The following FBXO8 variants were observed in gnomAD, a reference collection of about 807,000 sequenced individuals.
FBXO8 encodes the protein F-box only protein 8.
In FBXO8, 15 loss-of-function variants were observed where a neutral mutation model predicts 33.4. That is an observed-to-expected ratio of 0.45 (90% CI 0.30 to 0.69). The LOEUF is 0.69. Ranked by LOEUF, FBXO8 falls within the 30% of genes least tolerant of loss-of-function variation. The pLI is 0.08. For missense variants in FBXO8, 274 were observed against 380.3 expected, an observed-to-expected ratio of 0.72 and a Z score of 2.32; for synonymous variants, 132 against 131.5, an observed-to-expected ratio of 1.00 and a Z score of -0.02.
At chr4:174,250,933 T>C (rs756156142) in intron 3 of FBXO8, among the ~76,000 whole-genome samples, 2 of 151,986 alleles carry the variant, frequency 1.3e-5, no homozygotes, top group Non-Finnish European at 2.9e-5. Flanking sequence ...GTGATCACAA[T>C]AGATAAGGAA....
rs1451630312 is a variant in FBXO8 at position 174,257,873 on chromosome 4, C to A, written c.456+1826G>T. Among the ~76,000 whole-genome samples, 1 of 151,942 alleles carries A rather than the reference C, an allele frequency of 6.6e-6. No individual in the cohort carries two copies. Among genetic ancestry groups the A allele is most frequent in the Non-Finnish European group, 1.5e-5 (1 of 67,986 alleles). On this transcript the variant is annotated intron_variant, in intron 3 of 5. Transcript: ENST00000393674. This position sits in a 1 kb window ranked among gnomAD's most constrained non-coding sequence, Gnocchi z 4.3. ...CGGAGTAGCTGGGACCACAAGAATG[C>A]ACCACAATGCCTAGCTAATTTTTTA...
intron 3 of FBXO8, among the ~76,000 whole-genome samples, chr4:174,243,809 G>GAT (rs368857811): frequency 5.4e-4 from 80 of 148,436 alleles, no homozygotes; most frequent in East Asian, 7.9e-4. Context: ...CATTAGTCTA[G>GAT]ATATATATAT....
In FBXO8 at chr4:174,278,479, G is replaced by A. The variant is rs1737003785; in HGVS notation, c.-9+4931C>T. ...TATTTAAATGCAACCAAAAATCTAA[G>A]AATTTTAGGCTTATTCAATTTCTGT... On this transcript the variant is annotated intron_variant, in intron 1 of 5. Transcript: ENST00000393674. The surrounding 1 kb of genome is among the most constrained non-coding windows in gnomAD (Gnocchi z 4.1). Among the ~76,000 whole-genome samples, 1 of 151,988 alleles carries A rather than the reference G, an allele frequency of 6.6e-6. No homozygotes were observed. The highest frequency in any genetic ancestry group is 2.1e-4 in the South Asian group (1 of 4,826).
At chr4:174,239,247 T>C in intron 4 of FBXO8, 57 bp from the exon 5 acceptor site, 1 of 1,224,910 alleles carries the variant, frequency 8.2e-7, no homozygotes, top group Non-Finnish European at 1.1e-6. Context: ...AAAAAAATGG[T>C]AAGAAAAATA....
rs1736933539 is a variant in FBXO8, at chr4:174,275,236, TA to T, written c.-9+8173del. Among the ~76,000 whole-genome samples, 6 of 152,316 alleles carry T rather than the reference TA, an allele frequency of 3.9e-5. No individual in the cohort carries two copies. The South Asian group carries it at 1.2e-3, about 32-fold the overall frequency. On this transcript the variant is annotated intron_variant, in intron 1 of 5. Transcript: ENST00000393674. This position sits in a 1 kb window ranked among gnomAD's most constrained non-coding sequence, Gnocchi z 4.4. ...GCCAGGAGAGAGGTGCGTACGGTTA[TA>T]AAAGCACAGTGTGAGAGATCCCTGT...
Position 174,255,767 on chromosome 4 carries a change from G to C in FBXO8, c.456+3932C>G, listed in dbSNP as rs1406800763. On this transcript the variant is annotated intron_variant, in intron 3 of 5. Coordinates refer to ENST00000393674, the MANE Select transcript of FBXO8 (RefSeq NM_012180.3). The surrounding 1 kb of genome is among the most constrained non-coding windows in gnomAD (Gnocchi z 4.3). ...CAAGAAAGTGTTTTAATATACATTGGAGCACAAGTAATATAGTTTACTGGT... is the reference window on the plus strand; with the variant it reads ...CAAGAAAGTGTTTTAATATACATTGCAGCACAAGTAATATAGTTTACTGGT... Among the ~76,000 whole-genome samples the C allele has an allele frequency of 6.6e-6, 1 of 152,020 alleles. No individual in the cohort carries two copies. The highest frequency in any genetic ancestry group is 2.4e-5 in the African/African-American group (1 of 41,378).
intron 4 of FBXO8, 42 bp from the exon 5 acceptor site, chr4:174,239,232 T>G (rs1735971456): frequency 7.4e-7 from 1 of 1,359,416 alleles, no homozygotes; most frequent in South Asian, 1.8e-5. Context: ...TAACTTTTCT[T>G]CATTAAAAAA....
Position 174,281,139 on chromosome 4 carries a change from A to C in FBXO8, c.-9+2271T>G, listed in dbSNP as rs1737078235. 6.6e-6 allele frequency among the ~76,000 whole-genome samples: 1 copy of C among 152,174 alleles called. No homozygotes were observed. Among genetic ancestry groups the C allele is most frequent in the South Asian group, 2.1e-4 (1 of 4,834 alleles). ...AAAACAAATTAATAAATAAAAGAAGAGATGATGGCGTGCGTGTGTGTGTAT... is the reference window on the plus strand; with the variant it reads ...AAAACAAATTAATAAATAAAAGAAGCGATGATGGCGTGCGTGTGTGTGTAT... On this transcript the variant is annotated intron_variant, in intron 1 of 5. Transcript: ENST00000393674. This position sits in a 1 kb window ranked among gnomAD's most constrained non-coding sequence, Gnocchi z 4.6.
rs567209508 is a variant in FBXO8, at chr4:174,268,420, T to TTTTTG, written c.-8-5325_-8-5321dup. Among the ~76,000 whole-genome samples, 1,091 of 152,034 alleles carry TTTTTG rather than the reference T, an allele frequency of 7.2e-3. 10 individuals carry two copies. Among genetic ancestry groups the TTTTTG allele is most frequent in the African/African-American group, 0.01 (431 of 41,470 alleles). On this transcript the variant is annotated intron_variant, in intron 1 of 5. Coordinates refer to ENST00000393674, the MANE Select transcript of FBXO8 (RefSeq NM_012180.3). Reference sequence around the variant, plus strand: ...CTTCTGCACTAGGCTTGGGGGCCATTTTTTGTTTTGTTTTGTTTTGTTTTG... The same window carrying TTTTTG: ...CTTCTGCACTAGGCTTGGGGGCCATTTTTTGTTTTGTTTTGTTTTGTTTTGTTTTG...
chr4:174,248,579 G>A (rs899612841), intron 3 of FBXO8, among the ~76,000 whole-genome samples: 2 of 152,040 alleles, frequency 1.3e-5, no homozygotes, highest in Non-Finnish European at 2.9e-5. Flanking sequence ...CACTGAAGTG[G>A]GAGAATTAAC....
intron 1 of FBXO8, among the ~76,000 whole-genome samples, chr4:174,282,218 C>G (rs1737115333): frequency 1.3e-5 from 2 of 152,100 alleles, no homozygotes; most frequent in Non-Finnish European, 2.9e-5. Context: ...AAATTATGAT[C>G]AATGTTTTGG....
At position 174,277,831 on chromosome 4, in the gene FBXO8, C is replaced by G. The variant is rs1736991310; in HGVS notation, c.-9+5579G>C. Among the ~76,000 whole-genome samples, 1 of 152,034 alleles carries G rather than the reference C, an allele frequency of 6.6e-6. No homozygotes were observed. The highest frequency in any genetic ancestry group is 2.4e-5 in the African/African-American group (1 of 41,412). Reference sequence around the variant, plus strand: ...ATACAAATTCTAACGATAAGGAAATCCACTTATATGTTTTTATAAATTTTC... The same window carrying G: ...ATACAAATTCTAACGATAAGGAAATGCACTTATATGTTTTTATAAATTTTC... On this transcript the variant is annotated intron_variant, in intron 1 of 5. Coordinates refer to ENST00000393674, the MANE Select transcript of FBXO8 (RefSeq NM_012180.3). This position sits in a 1 kb window ranked among gnomAD's most constrained non-coding sequence, Gnocchi z 4.9.
In FBXO8 at chr4:174,257,151, T is replaced by A. The variant is rs1736435422; in HGVS notation, c.456+2548A>T. 6.6e-6 allele frequency among the ~76,000 whole-genome samples: 1 copy of A among 152,136 alleles called. No homozygotes were observed. The highest frequency in any genetic ancestry group is 2.4e-5 in the African/African-American group (1 of 41,444). ...GGAGGTACTAACAAGAACTGTATAG[T>A]TTGATATTGGTAGCTGCAAGGATGA... On this transcript the variant is annotated intron_variant, in intron 3 of 5. Coordinates refer to ENST00000393674, the MANE Select transcript of FBXO8 (RefSeq NM_012180.3). This position sits in a 1 kb window ranked among gnomAD's most constrained non-coding sequence, Gnocchi z 4.3.
Position 174,267,751 on chromosome 4 carries a change from A to G in FBXO8, c.-8-4651T>C, listed in dbSNP as rs1006298561. Among the ~76,000 whole-genome samples the G allele has an allele frequency of 3.3e-5, 5 of 152,214 alleles. No individual in the cohort carries two copies. The highest frequency in any genetic ancestry group is 1.2e-4 in the African/African-American group (5 of 41,464). On this transcript the variant is annotated intron_variant, in intron 1 of 5. Transcript: ENST00000393674. This position sits in a 1 kb window ranked among gnomAD's most constrained non-coding sequence, Gnocchi z 4.7. The stretch of plus-strand genomic sequence containing the variant: ...TTAAAAGTTTTAATAATATCTTGGT[A>G]TAAAGATTTTAAAACTGAAACATAA...
rs1202414681 is a variant in FBXO8, at chr4:174,252,550, C to A, written c.456+7149G>T. On this transcript the variant is annotated intron_variant, in intron 3 of 5. Coordinates refer to ENST00000393674, the MANE Select transcript of FBXO8 (RefSeq NM_012180.3). The surrounding 1 kb of genome is among the most constrained non-coding windows in gnomAD (Gnocchi z 5.1). ...CTATTCTTGGTAGGGTTACTAATACCCCTCATGGCTACCAGATGGCTGCAC... is the reference window on the plus strand; with the variant it reads ...CTATTCTTGGTAGGGTTACTAATACACCTCATGGCTACCAGATGGCTGCAC... Among the ~76,000 whole-genome samples the A allele has an allele frequency of 6.6e-6, 1 of 151,932 alleles. No homozygotes were observed. The highest frequency in any genetic ancestry group is 1.9e-4 in the East Asian group (1 of 5,176).
chr4:174,262,677 T>C lies in FBXO8; in HGVS notation c.329+87A>G, dbSNP rs1736596612. 8.7e-7 allele frequency: 1 copy of C among 1,155,470 alleles called. No homozygotes were observed. The highest frequency in any genetic ancestry group is 1.6e-5 in the African/African-American group (1 of 63,892). The allele number at this position is 1,155,470 out of a possible 1,614,324, so 71.6% of individuals were successfully genotyped here. A position where few individuals can be genotyped will look rare whatever the true frequency, so the allele number is the denominator to read the frequency against. ...AGTACAAGCCCAAGTTTAAAGAAAA[T>C]ATTTTGTAATATACATTATAAAAAG... is the stretch of plus-strand genomic sequence containing the variant. On this transcript the variant is annotated intron_variant, in intron 2 of 5. Transcript: ENST00000393674. This position sits in a 1 kb window ranked among gnomAD's most constrained non-coding sequence, Gnocchi z 4.6.
chr4:174,276,418 A>G (rs914441479), intron 1 of FBXO8, among the ~76,000 whole-genome samples: 4 of 152,146 alleles, frequency 2.6e-5, no homozygotes, highest in Non-Finnish European at 5.9e-5. Flanking sequence ...TTGTATTTTT[A>G]GTAGAGACGG....
At position 174,261,821 on chromosome 4, in the gene FBXO8, C is replaced by T. The variant is rs562752555; in HGVS notation, c.329+943G>A. Among the ~76,000 whole-genome samples the T allele has an allele frequency of 2.6e-5, 4 of 152,042 alleles. No homozygotes were observed. In the South Asian group the frequency reaches 8.3e-4, roughly 32 times the overall value. On this transcript the variant is annotated intron_variant, in intron 2 of 5. Transcript: ENST00000393674. This position sits in a 1 kb window ranked among gnomAD's most constrained non-coding sequence, Gnocchi z 4.1. ...AAAGTTTGTAATTTATTAAGTCTCT[C>T]AATTAGATTTCTAGTTTGAAATTAT...
chr4:174,268,273 A>G (rs1311064157), intron 1 of FBXO8, among the ~76,000 whole-genome samples: 2 of 152,220 alleles, frequency 1.3e-5, no homozygotes, highest in Non-Finnish European at 2.9e-5. Flanking sequence ...GACATTTAAT[A>G]CATATTGCTA....
Sources: gnomAD v4.1 joint callset for allele counts (sites outside exome capture counted in the v4.1 genomes callset) on GRCh38, gnomAD v4.1.1 for gene constraint, Gnocchi (gnomAD v3.1) non-coding constraint, MANE v1.5 for transcripts, NCBI Gene and HGNC (gene_info 2026-07-23, HGNC 2026-07-21) for gene names.